The following GABRA2 variants were observed in gnomAD, a reference collection of about 807,000 sequenced individuals.
GABRA2 encodes the protein gamma-aminobutyric acid receptor subunit alpha-2.
GABRA2 carries 16 observed loss-of-function variants against 48.7 expected under a neutral mutation model. That is an observed-to-expected ratio of 0.33 (90% CI 0.22 to 0.50). GABRA2 has a LOEUF of 0.50. Among genes scored for constraint, GABRA2 ranks in the 20% least tolerant of loss-of-function variants. GABRA2 has a pLI of 0.98. For missense variants in GABRA2, 275 were observed against 535.6 expected (o/e 0.51, Z 4.80); for synonymous variants, 185 against 184.5 (o/e 1.00, Z -0.02).
chr4:46,338,572 T>C (rs1427151027), intron 3 of GABRA2, among the ~76,000 whole-genome samples: 1 of 151,954 alleles, frequency 6.6e-6, no homozygotes, highest in Non-Finnish European at 1.5e-5. Flanking sequence ...AAATTCAATA[T>C]ATCTCTTCCC....
chr4:46,273,052 C>A (rs1009179991), intron 8 of GABRA2, among the ~76,000 whole-genome samples: 1 of 94,942 alleles, frequency 1.1e-5, no homozygotes, highest in Non-Finnish European at 2.1e-5. Context: ...CCTAGCCCCC[C>A]ACCCCTGACA....
intron 8 of GABRA2, among the ~76,000 whole-genome samples, chr4:46,264,413 C>T (rs1717688107): frequency 6.6e-6 from 1 of 151,984 alleles, no homozygotes; most frequent in South Asian, 2.1e-4. Context: ...TAGGGAGAAA[C>T]TTTAATCCTT....
At chr4:46,372,062 A>G (rs1209701050) in intron 3 of GABRA2, among the ~76,000 whole-genome samples, 1 of 152,220 alleles carries the variant, frequency 6.6e-6, no homozygotes, top group Non-Finnish European at 1.5e-5. Flanking sequence ...GCATGTTAAT[A>G]ATAACCAACC....
intron 4 of GABRA2, 145 bp downstream of exon 4, chr4:46,332,470 A>C: frequency 1.8e-6 from 1 of 547,376 alleles, no homozygotes. Flanking sequence ...AGATCCAAAC[A>C]TCTTTAACTA....
intron 3 of GABRA2, among the ~76,000 whole-genome samples, chr4:46,354,798 G>A (rs904965145): frequency 3.9e-5 from 6 of 152,132 alleles, no homozygotes; most frequent in East Asian, 1.9e-4. Context: ...ATGAAGCAAG[G>A]AAATCCTTTA....
intron 8 of GABRA2, among the ~76,000 whole-genome samples, chr4:46,293,731 T>C (rs1029888277): frequency 6.6e-6 from 1 of 152,188 alleles, no homozygotes; most frequent in Non-Finnish European, 1.5e-5. Flanking sequence ...TGCCTCTACC[T>C]AGAAAAATGT....
intron 3 of GABRA2, among the ~76,000 whole-genome samples, chr4:46,348,054 C>T (rs1734447479): frequency 6.6e-6 from 1 of 151,966 alleles, no homozygotes; most frequent in Admixed American, 6.6e-5. Flanking sequence ...CCAGAATCTA[C>T]AATGAACCCA....
intron 8 of GABRA2, among the ~76,000 whole-genome samples, chr4:46,291,027 G>T (rs1027327339): frequency 6.6e-6 from 1 of 152,004 alleles, no homozygotes; most frequent in Non-Finnish European, 1.5e-5. Flanking sequence ...ATTCATAATG[G>T]ATATTAGTAT....
chr4:46,362,039 G>A (rs142572846), intron 3 of GABRA2, among the ~76,000 whole-genome samples: 1,619 of 152,194 alleles, frequency 0.011, 33 homozygotes, highest in African/African-American at 0.037. Context: ...AGCATGTCTC[G>A]GATGAGACTT....
rs1713367568 is a variant in GABRA2 at position 46,244,638 on chromosome 4, T to G, written c.*5670A>C. 6.6e-6 allele frequency among the ~76,000 whole-genome samples: 1 copy of G among 151,166 alleles called. No homozygotes were observed. The highest frequency in any genetic ancestry group is 2.0e-4 in the East Asian group (1 of 5,112). ...GGATTAAATGTTATGAAACGAACAA[T>G]ATGACAAATGAAAACACATCTCTCC... On this transcript the variant is annotated 3_prime_UTR_variant, in exon 10 of 10. Transcript: ENST00000381620.
intron 8 of GABRA2, 76 bp downstream of exon 8, chr4:46,303,384 G>T: frequency 7.2e-7 from 1 of 1,394,114 alleles, no homozygotes; most frequent in South Asian, 1.2e-5. Flanking sequence ...TTAGTTTGAG[G>T]ATCAAGAGAG....
intron 6 of GABRA2, among the ~76,000 whole-genome samples, chr4:46,306,609 C>A (rs1230737664): frequency 1.3e-5 from 2 of 152,170 alleles, no homozygotes; most frequent in Non-Finnish European, 2.9e-5. Context: ...TTCTGAAGAA[C>A]TTCTACGCAC....
intron 3 of GABRA2, among the ~76,000 whole-genome samples, chr4:46,334,624 T>C (rs761458845): frequency 2.2e-4 from 33 of 152,110 alleles, no homozygotes; most frequent in Non-Finnish European, 4.1e-4. Flanking sequence ...ATATGCCAAA[T>C]GGCAAGTAAA....
chr4:46,376,363 T>G lies in GABRA2; in HGVS notation c.187+9711A>C, dbSNP rs976004961. Among the ~76,000 whole-genome samples, 3 of 152,132 alleles carry G rather than the reference T, an allele frequency of 2.0e-5. No homozygotes were observed. In the East Asian group the frequency reaches 5.8e-4, roughly 29 times the overall value. Reference sequence around the variant, plus strand: ...CATGCTTATGGTCCAATTTATCCACTGTGTATTAAGGGGGAGAGAAACAAA... The same window carrying G: ...CATGCTTATGGTCCAATTTATCCACGGTGTATTAAGGGGGAGAGAAACAAA... On this transcript the variant is annotated intron_variant, in intron 3 of 9. Coordinates refer to ENST00000381620, the MANE Select transcript of GABRA2 (RefSeq NM_000807.4).
chr4:46,269,298 C>T (rs1268919534), intron 8 of GABRA2, among the ~76,000 whole-genome samples: 1 of 151,502 alleles, frequency 6.6e-6, no homozygotes, highest in African/African-American at 2.4e-5. Flanking sequence ...ATTTTGTAAT[C>T]TATATGTATA....
intron 7 of GABRA2, among the ~76,000 whole-genome samples, chr4:46,304,202 G>A (rs1485098495): frequency 2.0e-5 from 3 of 152,010 alleles, no homozygotes; most frequent in Non-Finnish European, 2.9e-5. Context: ...TATAAACCTC[G>A]TCTCTGTTTT....
At chr4:46,346,715 T>C (rs1010102087) in intron 3 of GABRA2, among the ~76,000 whole-genome samples, 10 of 151,374 alleles carry the variant, frequency 6.6e-5, no homozygotes, top group African/African-American at 2.4e-4. Flanking sequence ...ATAGACTATT[T>C]GGGAATCCTG....
chr4:46,276,204 G>C (rs1168423050), intron 8 of GABRA2, among the ~76,000 whole-genome samples: 1 of 152,136 alleles, frequency 6.6e-6, no homozygotes, highest in Non-Finnish European at 1.5e-5. Flanking sequence ...TTCCAAGAAA[G>C]AGTACGTTAT....
intron 7 of GABRA2, 94 bp from the exon 8 acceptor site, chr4:46,303,706 T>G: frequency 4.6e-6 from 5 of 1,092,610 alleles, no homozygotes; most frequent in Non-Finnish European, 6.6e-6. Flanking sequence ...AAAACTGATT[T>G]TTTAAAAAAT....
Sources: gnomAD v4.1 joint callset for allele counts (sites outside exome capture counted in the v4.1 genomes callset) on GRCh38, gnomAD v4.1.1 for gene constraint, MANE v1.5 for transcripts, NCBI Gene and HGNC (gene_info 2026-07-23, HGNC 2026-07-21) for gene names.